The following NLRC3 variants were observed in gnomAD, a reference collection of about 807,000 sequenced individuals.
NLRC3 encodes NLR family CARD domain containing 3, also known as NLR family CARD domain-containing protein 3.
In NLRC3, 87 loss-of-function variants were observed where a neutral mutation model predicts 91.6. The ratio of observed to expected loss-of-function variants is 0.95; its 90% CI spans 0.80 to 1.14. NLRC3 has a LOEUF of 1.14. NLRC3 is among the 50% of genes most tolerant of loss of function. The pLI, the probability that NLRC3 is intolerant of heterozygous loss-of-function variation, is 0.00. For missense variants in NLRC3, 1,577 were observed against 1,418.6 expected (o/e 1.11, Z -1.79); for synonymous variants, 694 against 625.3 (o/e 1.11, Z -1.64).
chr16:3,562,402 A>T (rs1165805353), intron 5 of NLRC3, among the ~76,000 whole-genome samples: 1 of 152,050 alleles, frequency 6.6e-6, no homozygotes, highest in African/African-American at 2.4e-5. Context: ...GCAATTTGGG[A>T]GGCTGGGGTG....
Position 3,562,996 on chromosome 16 carries a change from C to A in NLRC3, c.1928+13G>T. On this transcript the variant is annotated intron_variant, in intron 5 of 19. Transcript: ENST00000359128. ...CCCCTTCCCCAGCCCCTGCCCCCTGCCCTGGTATCCACCTGAGCTTCCGGC... is the reference window on the plus strand; with the variant it reads ...CCCCTTCCCCAGCCCCTGCCCCCTGACCTGGTATCCACCTGAGCTTCCGGC... The A allele has an allele frequency of 6.5e-7, 1 of 1,548,742 alleles. No homozygotes were observed. Among genetic ancestry groups the A allele is most frequent in the Non-Finnish European group, 8.7e-7 (1 of 1,147,064 alleles).
intron 1 of NLRC3, among the ~76,000 whole-genome samples, chr16:3,574,387 C>T (rs1477435107): frequency 1.3e-5 from 2 of 152,050 alleles, no homozygotes; most frequent in Admixed American, 6.6e-5. Flanking sequence ...AGTTTAAGCT[C>T]CTCCGGTGGT....
Position 3,564,714 on chromosome 16 carries a change from C to A in NLRC3, c.223G>T (p.Gly75Ter). The change falls in exon 5 of 20, where the codon GGA becomes TGA. Residue 75 changes from glycine (G) to a stop codon, truncating the protein, a stop_gained. Coordinates refer to ENST00000359128, the MANE Select transcript of NLRC3 (RefSeq NM_178844.4). LOFTEE classifies it high-confidence loss of function. The surrounding 1 kb of genome is among the most constrained non-coding windows in gnomAD (Gnocchi z 5.9). Reference sequence around the variant, plus strand: ...GGTCCGCCCAGCTCCGGGCCACCTCCCACCTTGCTCAGCAGGGCCTTGCGG... The same window carrying A: ...GGTCCGCCCAGCTCCGGGCCACCTCACACCTTGCTCAGCAGGGCCTTGCGG... ...RHRKALLSKV[G>*]GGPELGGPWH... 6.3e-7 allele frequency: 1 copy of A among 1,595,982 alleles called. No homozygotes were observed. The highest frequency in any genetic ancestry group is 8.5e-7 in the Non-Finnish European group (1 of 1,176,764).
intron 17 of NLRC3, 72 bp from the exon 18 acceptor site, chr16:3,542,847 G>A: frequency 2.7e-5 from 26 of 950,290 alleles, no homozygotes; most frequent in Non-Finnish European, 4.3e-5. Flanking sequence ...CTGCGGGTGG[G>A]CTTGGGGCTG....
chr16:3,548,494 G>T (rs1048812534), intron 14 of NLRC3, among the ~76,000 whole-genome samples, 176 bp downstream of exon 14: 1 of 152,240 alleles, frequency 6.6e-6, no homozygotes, highest in Non-Finnish European at 1.5e-5. Flanking sequence ...CTGTCTGTGG[G>T]TCAGGAGAGC....
At position 3,539,830 on chromosome 16, in the gene NLRC3, A is replaced by G. The variant is rs780860181; in HGVS notation, c.*1995T>C. ...TTTTCCTGCAGTCTAGGATCCAGTC[A>G]GAGATCTTGCATTAAATTATATCTC... On this transcript the variant is annotated 3_prime_UTR_variant, in exon 20 of 20. Transcript: ENST00000359128. 2 of 152,236 alleles carry G rather than the reference A, an allele frequency of 1.3e-5. No individual in the cohort carries two copies. The highest frequency in any genetic ancestry group is 2.9e-5 in the Non-Finnish European group (2 of 68,030). The allele number at this position is 152,236 out of a possible 1,614,324, so 9.4% of individuals were successfully genotyped here.
intron 16 of NLRC3, chr16:3,543,765 T>C: frequency 1.9e-6 from 1 of 517,986 alleles, no homozygotes; most frequent in South Asian, 2.2e-5. Context: ...CTGTACCTCC[T>C]CATTACTACT....
In NLRC3 at chr16:3,548,143, G is replaced by T. The variant is rs760169131; in HGVS notation, c.2763C>A (p.Thr921=). ...TGGGCAGGCCAACTTACTCTAAGCT[G>T]GTGAGGCTCCTGTTGAGCTGTAGTG... ...GQALQLNRSL[T]SLDLQENAIG... is the part of the protein sequence containing the mutation. The change falls in exon 15 of 20, where the codon ACC becomes ACA. Residue 921 remains threonine, a synonymous_variant. Coordinates refer to ENST00000359128, the MANE Select transcript of NLRC3 (RefSeq NM_178844.4). 1.3e-6 allele frequency: 2 copies of T among 1,585,724 alleles called. No homozygotes were observed. Among genetic ancestry groups the T allele is most frequent in the Non-Finnish European group, 1.7e-6 (2 of 1,165,814 alleles).
chr16:3,567,771 CA>C (rs774868671), intron 1 of NLRC3, among the ~76,000 whole-genome samples: 34 of 38,530 alleles, frequency 8.8e-4, no homozygotes, highest in South Asian at 1.7e-3. Context: ...GACTCCATCT[CA>C]AAAAAAAAAA....
chr16:3,547,604 GTGTA>G (rs770719111), intron 15 of NLRC3, among the ~76,000 whole-genome samples: 3 of 152,030 alleles, frequency 2.0e-5, no homozygotes, highest in Non-Finnish European at 2.9e-5. Context: ...ATATATGTAT[GTGTA>G]TATATGTATA....
intron 1 of NLRC3, among the ~76,000 whole-genome samples, chr16:3,573,903 C>T (rs1435933843): frequency 8.6e-5 from 13 of 151,172 alleles, no homozygotes; most frequent in African/African-American, 1.7e-4. Flanking sequence ...ACTGCAGCCT[C>T]GACCTCCTGG....
At chr16:3,551,363 C>G (rs150511469) in intron 10 of NLRC3, among the ~76,000 whole-genome samples, 1 of 147,694 alleles carries the variant, frequency 6.8e-6, no homozygotes, top group Non-Finnish European at 1.5e-5. Flanking sequence ...CATCCATTCA[C>G]GTACCCATCC....
At chr16:3,565,691 T>G (rs560303082) in intron 2 of NLRC3, among the ~76,000 whole-genome samples, 3 of 151,918 alleles carry the variant, frequency 2.0e-5, no homozygotes, top group Non-Finnish European at 4.4e-5. Context: ...ACTACAGTGG[T>G]GGGTCCATGT....
intron 2 of NLRC3, 47 bp downstream of exon 2, chr16:3,567,196 C>T (rs1387885143): frequency 6.8e-6 from 1 of 148,050 alleles, no homozygotes; most frequent in Non-Finnish European, 1.5e-5. Flanking sequence ...CCAAGCTGTA[C>T]ACTAAGGCCG....
chr16:3,569,394 ATTAT>A (rs1486390919), intron 1 of NLRC3, among the ~76,000 whole-genome samples: 57 of 47,298 alleles, frequency 1.2e-3, no homozygotes, highest in Admixed American at 1.9e-3. Context: ...ATATATATAT[ATTAT>A]TTTTTTTTTT....
At chr16:3,566,592 G>C (rs565716563) in intron 2 of NLRC3, among the ~76,000 whole-genome samples, 2 of 152,330 alleles carry the variant, frequency 1.3e-5, no homozygotes, top group Admixed American at 6.5e-5. Flanking sequence ...AAGTGTGGCA[G>C]CACATGCCTG....
Position 3,565,071 on chromosome 16 carries a change from A to C in NLRC3, c.-24-11T>G. The C allele has an allele frequency of 1.3e-6, 2 of 1,597,110 alleles. No individual in the cohort carries two copies. The highest frequency in any genetic ancestry group is 1.7e-6 in the Non-Finnish European group (2 of 1,174,208). On this transcript the variant is annotated splice_polypyrimidine_tract_variant and intron_variant, in intron 3 of 19. Coordinates refer to ENST00000359128, the MANE Select transcript of NLRC3 (RefSeq NM_178844.4). ...GATCACCTCCAGGAGCTGTGAAGAG[A>C]GGGCCTGAACCTGCTGCCTGCCGTG...
At chr16:3,569,260 G>C (rs2039996321) in intron 1 of NLRC3, among the ~76,000 whole-genome samples, 1 of 149,322 alleles carries the variant, frequency 6.7e-6, no homozygotes, top group Non-Finnish European at 1.5e-5. Flanking sequence ...GTTGCAGTGA[G>C]GCGAAAACGC....
intron 11 of NLRC3, 120 bp from the exon 12 acceptor site, chr16:3,549,900 G>A: frequency 1.6e-6 from 1 of 641,112 alleles, no homozygotes; most frequent in African/African-American, 1.8e-5. Flanking sequence ...CAGGGACAGT[G>A]GTGGCCACAC....
Sources: allele counts gnomAD v4.1 joint callset (sites outside exome capture counted in the v4.1 genomes callset), GRCh38; gene constraint gnomAD v4.1.1; non-coding constraint Gnocchi (gnomAD v3.1); transcripts MANE v1.5; gene names NCBI Gene and HGNC (gene_info 2026-07-23, HGNC 2026-07-21).